Variants in STON1 observed in about 807,000 individuals in gnomAD.
STON1 encodes stonin 1, also known as stonin-1.
A neutral mutation model predicts 60.9 loss-of-function variants in STON1; 79 were observed. The ratio of observed to expected loss-of-function variants is 1.30; its 90% CI spans 1.08 to 1.56. The LOEUF (loss-of-function observed/expected upper bound fraction) is 1.56. Ranked by LOEUF, STON1 falls within the 40% of genes most tolerant of loss-of-function variation. STON1 has a pLI of 0.00. For missense variants in STON1, 1,166 were observed against 858.9 expected (o/e 1.36, Z -4.47); for synonymous variants, 363 against 306.9 (o/e 1.18, Z -1.91).
intron 1 of STON1, among the ~76,000 whole-genome samples, chr2:48,565,048 T>C (rs796193880): frequency 0.018 from 1,253 of 70,224 alleles, 13 homozygotes; most frequent in African/African-American, 0.055. Flanking sequence ...GCTTCTTCTT[T>C]TTTTTTTTTT....
intron 2 of STON1, among the ~76,000 whole-genome samples, chr2:48,590,239 C>G (rs1044562175): frequency 2.0e-5 from 3 of 152,146 alleles, no homozygotes; most frequent in African/African-American, 7.2e-5. Flanking sequence ...GTTGTCCTAC[C>G]CTTCCTGTAA....
At chr2:48,533,475 G>T (rs1671296882) in intron 1 of STON1, among the ~76,000 whole-genome samples, 1 of 150,522 alleles carries the variant, frequency 6.6e-6, no homozygotes, top group Non-Finnish European at 1.5e-5. Flanking sequence ...GATCGCCTGA[G>T]GTCAGAAGTT....
chr2:48,565,012 C>T (rs1207891318), intron 1 of STON1, among the ~76,000 whole-genome samples: 10 of 143,798 alleles, frequency 7.0e-5, no homozygotes, highest in Middle Eastern at 3.9e-3. Context: ...GGATTACAGA[C>T]GTGAGCCACT....
Position 48,581,648 on chromosome 2 carries a change from A to G in STON1, c.1015A>G (p.Ser339Gly). ...RLSEPKVENFSVAGKIHTVKI... is the reference protein window; with the variant it reads ...RLSEPKVENFGVAGKIHTVKI... ...TTCTGAACCCAAGGTTGAGAACTTC[A>G]GTGTAGCAGGAAAAATCCACACTGT... Residue 339 changes from serine to glycine, a missense_variant, in exon 2 of 4, where the codon AGT (serine) becomes GGT (glycine). Physicochemically the swap from Ser to Gly is moderately conservative, Grantham distance 56. Transcript: ENST00000404752. 1 of 1,614,034 alleles carries G rather than the reference A, an allele frequency of 6.2e-7. No individual in the cohort carries two copies. The highest frequency in any genetic ancestry group is 2.2e-5 in the East Asian group (1 of 44,890).
In STON1 at chr2:48,581,432, C is replaced by T. The variant is rs559838234; in HGVS notation, c.799C>T (p.Leu267Phe). 1.3e-5 allele frequency: 21 copies of T among 1,613,810 alleles called. No homozygotes were observed. The highest frequency in any genetic ancestry group is 1.8e-5 in the Non-Finnish European group (21 of 1,179,822). ...ENASSFVPHT[L>F]FRSQPKSGWS... The stretch of plus-strand genomic sequence containing the variant: ...TGCCTCTTCCTTTGTCCCCCACACA[C>T]TCTTCAGGAGTCAGCCAAAATCCGG... The change falls in exon 2 of 4, where the codon CTC becomes TTC. Residue 267 changes from leucine (L) to phenylalanine (F), a missense_variant. By Grantham distance (22) the Leu-to-Phe change is conservative (BLOSUM62 0). Coordinates refer to ENST00000404752, the MANE Select transcript of STON1 (RefSeq NM_006873.4).
chr2:48,589,522 T>A (rs981468192), intron 2 of STON1, among the ~76,000 whole-genome samples: 2 of 152,004 alleles, frequency 1.3e-5, no homozygotes, highest in African/African-American at 2.4e-5. Flanking sequence ...GAAGAGGGAG[T>A]GTGTTACTAA....
intron 2 of STON1, among the ~76,000 whole-genome samples, chr2:48,585,582 A>G (rs1242328691): frequency 3.3e-5 from 5 of 152,188 alleles, no homozygotes. Flanking sequence ...TAGAGAGGCA[A>G]ATTGAACCAT....
chr2:48,570,445 A>AT (rs1198829609), intron 1 of STON1, among the ~76,000 whole-genome samples: 2 of 152,184 alleles, frequency 1.3e-5, no homozygotes, highest in Non-Finnish European at 2.9e-5. Context: ...GAACCCTCCT[A>AT]TTGCTGATCA....
chr2:48,563,406 C>T (rs1672687534), intron 1 of STON1, among the ~76,000 whole-genome samples: 1 of 152,200 alleles, frequency 6.6e-6, no homozygotes, highest in Non-Finnish European at 1.5e-5. Flanking sequence ...AAAGCAAAGG[C>T]AGGGATGTCC....
At chr2:48,548,256 T>A (rs181631532) in intron 1 of STON1, among the ~76,000 whole-genome samples, 4 of 152,346 alleles carry the variant, frequency 2.6e-5, no homozygotes, top group African/African-American at 9.6e-5. Context: ...GCACATAGCA[T>A]TGAGCCTTGG....
At chr2:48,561,172 A>G (rs1219311191) in intron 1 of STON1, among the ~76,000 whole-genome samples, 2 of 152,124 alleles carry the variant, frequency 1.3e-5, no homozygotes, top group African/African-American at 4.8e-5. Flanking sequence ...GTCTAGCTTC[A>G]TGAATGAGGC....
At chr2:48,550,522 C>G (rs1672057241) in intron 1 of STON1, among the ~76,000 whole-genome samples, 1 of 148,920 alleles carries the variant, frequency 6.7e-6, no homozygotes, top group African/African-American at 2.5e-5. Context: ...ACAAAAACCC[C>G]ACATATTTAT....
chr2:48,552,592 G>A (rs1356041330), intron 1 of STON1, among the ~76,000 whole-genome samples: 2 of 151,748 alleles, frequency 1.3e-5, no homozygotes, highest in African/African-American at 2.4e-5. Flanking sequence ...GTGAGAGCCC[G>A]TCTCTACTAA....
At chr2:48,557,004 G>T (rs1357404334) in intron 1 of STON1, among the ~76,000 whole-genome samples, 1 of 83,748 alleles carries the variant, frequency 1.2e-5, no homozygotes, top group South Asian at 5.6e-4. Context: ...TGGACGGCAC[G>T]GCTGCCCGGG....
chr2:48,586,220 T>C (rs1376645284), intron 2 of STON1, among the ~76,000 whole-genome samples: 1 of 152,244 alleles, frequency 6.6e-6, no homozygotes, highest in Non-Finnish European at 1.5e-5. Flanking sequence ...TCAGAGTCAT[T>C]GGTGTAGTTA....
At chr2:48,534,797 G>A (rs560597360) in intron 1 of STON1, among the ~76,000 whole-genome samples, 43 of 152,248 alleles carry the variant, frequency 2.8e-4, no homozygotes, top group African/African-American at 1.0e-3. Context: ...AGGGGGTGAG[G>A]AGGGAGAAAA....
chr2:48,575,759 G>T (rs188314488), intron 1 of STON1, among the ~76,000 whole-genome samples: 31,777 of 111,092 alleles, frequency 0.29, 5,501 homozygotes, highest in East Asian at 0.38. Context: ...GTTTTTGTTT[G>T]TTTTTTTTTT....
intron 3 of STON1, among the ~76,000 whole-genome samples, chr2:48,593,844 T>C (rs780318904): frequency 2.0e-5 from 3 of 152,202 alleles, no homozygotes; most frequent in Non-Finnish European, 4.4e-5. Flanking sequence ...CTTTTTCTAC[T>C]GATAAAAGTA....
chr2:48,575,609 C>T (rs969640649), intron 1 of STON1, among the ~76,000 whole-genome samples: 2 of 151,752 alleles, frequency 1.3e-5, no homozygotes, highest in East Asian at 2.0e-4. Flanking sequence ...GCCGAGATTG[C>T]GTCACTGCAC....
Sources: gnomAD v4.1 joint callset for allele counts (sites outside exome capture counted in the v4.1 genomes callset) on GRCh38, gnomAD v4.1.1 for gene constraint, MANE v1.5 for transcripts, NCBI Gene and HGNC (gene_info 2026-07-23, HGNC 2026-07-21) for gene names.